Variants in LMBRD1 observed in about 807,000 individuals in gnomAD.
The protein encoded by LMBRD1 is LMBR1 domain containing 1.
Under a neutral mutation model 74.8 loss-of-function variants are expected in LMBRD1, and 64 were observed. The observed-to-expected ratio is 0.86, with a 90% confidence interval of 0.70 to 1.05. LMBRD1 has a LOEUF of 1.05. Ranked by LOEUF, LMBRD1 falls within the 50% of genes least tolerant of loss-of-function variation. The pLI is 0.00. For missense variants in LMBRD1, 652 were observed against 645.9 expected, an observed-to-expected ratio of 1.01 and a Z score of -0.10; for synonymous variants, 204 against 216.3, an observed-to-expected ratio of 0.94 and a Z score of 0.50.
At position 69,675,080 on chromosome 6, in the gene LMBRD1, TGAA is replaced by T. The variant is rs1765519270; in HGVS notation, c.*1075_*1077del. 6.6e-6 allele frequency among the ~76,000 whole-genome samples: 1 copy of T among 152,092 alleles called. No individual in the cohort carries two copies. The highest frequency in any genetic ancestry group is 2.1e-4 in the South Asian group (1 of 4,822). On this transcript the variant is annotated 3_prime_UTR_variant, in exon 16 of 16. Transcript: ENST00000649934. ...AAGCAGAAGCCAAATACGAAAGCTG[TGAA>T]GGTTTATCAAGAGAGATGAAGAATC... is the stretch of plus-strand genomic sequence containing the variant.
At chr6:69,695,874 T>C (rs1399340231) in intron 14 of LMBRD1, among the ~76,000 whole-genome samples, 2 of 150,188 alleles carry the variant, frequency 1.3e-5, no homozygotes, top group African/African-American at 4.9e-5. Flanking sequence ...GACAGAGTCT[T>C]GCCCTGTCGC....
chr6:69,713,572 G>T, intron 9 of LMBRD1, 73 bp downstream of exon 9: 1 of 1,474,452 alleles, frequency 6.8e-7, no homozygotes. Context: ...CAAAAGGAGA[G>T]CTCAATCTCT....
intron 7 of LMBRD1, among the ~76,000 whole-genome samples, chr6:69,735,453 A>G (rs1215752264): frequency 1.3e-5 from 2 of 152,206 alleles, no homozygotes; most frequent in Non-Finnish European, 2.9e-5. Flanking sequence ...TAAAAAAAAA[A>G]AAAAAGATGT....
intron 2 of LMBRD1, among the ~76,000 whole-genome samples, chr6:69,783,032 A>G (rs1765871879): frequency 6.6e-6 from 1 of 152,222 alleles, no homozygotes; most frequent in South Asian, 2.1e-4. Context: ...AATGAGACCT[A>G]TATAAACTAG....
intron 4 of LMBRD1, among the ~76,000 whole-genome samples, chr6:69,750,646 T>A (rs1765115020): frequency 6.6e-6 from 1 of 152,118 alleles, no homozygotes; most frequent in African/African-American, 2.4e-5. Flanking sequence ...AAGAAGATCC[T>A]AAGATCAACC....
At chr6:69,715,375 C>A (rs1033671570) in intron 8 of LMBRD1, among the ~76,000 whole-genome samples, 5 of 152,080 alleles carry the variant, frequency 3.3e-5, no homozygotes, top group Non-Finnish European at 5.9e-5. Context: ...TTGGTGAATG[C>A]TTCAGTGGAA....
intron 3 of LMBRD1, among the ~76,000 whole-genome samples, 185 bp downstream of exon 3, chr6:69,780,309 T>C (rs1765802419): frequency 6.6e-6 from 1 of 152,040 alleles, no homozygotes; most frequent in Non-Finnish European, 1.5e-5. Context: ...GGGGAGCTTA[T>C]TTCTTTCTTC....
At chr6:69,689,677 G>A (rs564596316) in intron 14 of LMBRD1, among the ~76,000 whole-genome samples, 3 of 152,010 alleles carry the variant, frequency 2.0e-5, no homozygotes, top group African/African-American at 4.8e-5. Flanking sequence ...ATTTAGCATA[G>A]AGGCATGGAA....
intron 7 of LMBRD1, among the ~76,000 whole-genome samples, chr6:69,728,248 G>A (rs1199303098): frequency 6.6e-6 from 1 of 152,106 alleles, no homozygotes; most frequent in Non-Finnish European, 1.5e-5. Context: ...ACAGTACTAC[G>A]AGGATGGTGC....
At chr6:69,683,942 C>T (rs917769742) in intron 14 of LMBRD1, among the ~76,000 whole-genome samples, 5 of 152,028 alleles carry the variant, frequency 3.3e-5, no homozygotes, top group African/African-American at 7.2e-5. Flanking sequence ...GTCCCAGATG[C>T]ATGCACAGAG....
At chr6:69,770,837 A>T (rs536684366) in intron 3 of LMBRD1, among the ~76,000 whole-genome samples, 23 of 152,288 alleles carry the variant, frequency 1.5e-4, no homozygotes, top group African/African-American at 5.3e-4. Flanking sequence ...AAAAAAATAG[A>T]CTAGGATAAA....
Position 69,699,109 on chromosome 6 carries a change from A to C in LMBRD1, c.1272T>G (p.Thr424=). The part of the protein sequence containing the change: ...CMILLLIVLH[T]SYMIYSLAPQ... Reference sequence around the variant, plus strand: ...GAGCAAGACTATAAATCATGTAGCTAGTGTGAAGGACAATAAGCAGAAGTA... The same window carrying C: ...GAGCAAGACTATAAATCATGTAGCTCGTGTGAAGGACAATAAGCAGAAGTA... The change falls in exon 13 of 16, where the codon ACT becomes ACG. Residue 424 remains threonine (T), a synonymous_variant. Coordinates refer to ENST00000649934, the MANE Select transcript of LMBRD1 (RefSeq NM_018368.4). The C allele has an allele frequency of 6.2e-7, 1 of 1,609,498 alleles. No individual in the cohort carries two copies.
At position 69,712,023 on chromosome 6, in the gene LMBRD1, T is replaced by C. The variant is rs185957208; in HGVS notation, c.915+1622A>G. Among the ~76,000 whole-genome samples, 199 of 152,186 alleles carry C rather than the reference T, an allele frequency of 1.3e-3. No homozygotes were observed. In the Middle Eastern group the frequency reaches 0.017, roughly 13 times the overall value. On this transcript the variant is annotated intron_variant, in intron 9 of 15. Coordinates refer to ENST00000649934, the MANE Select transcript of LMBRD1 (RefSeq NM_018368.4). Reference sequence around the variant, plus strand: ...CTCTGAAAGGCCCCAGAGTGTGTTGTTCCCCTCTGTCTGTCCATGTTGAAC... The same window carrying C: ...CTCTGAAAGGCCCCAGAGTGTGTTGCTCCCCTCTGTCTGTCCATGTTGAAC...
Position 69,680,193 on chromosome 6 carries a change from T to C in LMBRD1, c.1418-3652A>G, listed in dbSNP as rs1224644458. 2.6e-5 allele frequency among the ~76,000 whole-genome samples: 4 copies of C among 152,144 alleles called. No individual in the cohort carries two copies. The East Asian group carries it at 5.8e-4, about 22-fold the overall frequency. On this transcript the variant is annotated intron_variant, in intron 14 of 15. Coordinates refer to ENST00000649934, the MANE Select transcript of LMBRD1 (RefSeq NM_018368.4). The stretch of plus-strand genomic sequence containing the variant: ...GGTAGGCTTGGACCTACCCAAAAAA[T>C]GCCTGTTCATAATTATTTTAAAAAC...
intron 3 of LMBRD1, among the ~76,000 whole-genome samples, chr6:69,759,854 A>G (rs1337613141): frequency 6.6e-6 from 1 of 152,118 alleles, no homozygotes; most frequent in African/African-American, 2.4e-5. Flanking sequence ...ACACAACCCA[A>G]CTGAAAGTTA....
intron 3 of LMBRD1, among the ~76,000 whole-genome samples, chr6:69,766,774 A>T (rs1367744179): frequency 6.6e-6 from 1 of 151,642 alleles, no homozygotes; most frequent in Admixed American, 6.6e-5. Context: ...TTATTTAAAT[A>T]TATAATTGGT....
chr6:69,794,038 T>C (rs1766154480), intron 1 of LMBRD1, among the ~76,000 whole-genome samples: 2 of 152,080 alleles, frequency 1.3e-5, no homozygotes, highest in African/African-American at 4.8e-5. Context: ...GAATATTTAG[T>C]AGATGATTGG....
intron 5 of LMBRD1, 58 bp downstream of exon 5, chr6:69,749,283 T>C: frequency 7.6e-7 from 1 of 1,318,032 alleles, no homozygotes; most frequent in Non-Finnish European, 1.1e-6. Context: ...CTTTTATTTT[T>C]TTTTTCAAAT....
intron 14 of LMBRD1, among the ~76,000 whole-genome samples, chr6:69,677,903 A>G (rs770341230): frequency 6.6e-6 from 1 of 152,150 alleles, no homozygotes; most frequent in African/African-American, 2.4e-5. Flanking sequence ...TGTAAACCCC[A>G]TATTAGTTTT....
Sources: allele counts gnomAD v4.1 joint callset (sites outside exome capture counted in the v4.1 genomes callset), GRCh38; gene constraint gnomAD v4.1.1; transcripts MANE v1.5; gene names NCBI Gene and HGNC (gene_info 2026-07-23, HGNC 2026-07-21).